Variants in SURF6 observed in about 807,000 individuals in gnomAD.
SURF6 encodes the protein surfeit locus protein 6.
SURF6 carries 28 observed loss-of-function variants against 37.5 expected under a neutral mutation model. The observed-to-expected ratio is 0.75, with a 90% CI of 0.55 to 1.02. The LOEUF (loss-of-function observed/expected upper bound fraction) is 1.02, where lower values mean the gene tolerates loss of function less well. Ranked by LOEUF, SURF6 falls within the 50% of genes least tolerant of loss-of-function variation. The probability of loss-of-function intolerance (pLI) is 0.00; values close to 1 mark genes in which losing one functional copy is unlikely to be tolerated. For missense variants in SURF6, 560 were observed against 490.5 expected (o/e 1.14, Z -1.34); for synonymous variants, 248 against 210.9 (o/e 1.18, Z -1.52).
chr9:133,336,034 G>A lies in SURF6; in HGVS notation c.94+5C>T, dbSNP rs2129933559. ...CCTTAGTCCCGGCCCGGCCCTGTGC[G>A]TTACCCCGCGTGCGCGCCTGCTGTT... On this transcript the variant is annotated splice_donor_5th_base_variant and intron_variant, in intron 1 of 4. Coordinates refer to ENST00000372022, the MANE Select transcript of SURF6 (RefSeq NM_006753.6). 1.2e-5 allele frequency: 19 copies of A among 1,609,976 alleles called. No individual in the cohort carries two copies. Among genetic ancestry groups the A allele is most frequent in the African/African-American group, 9.4e-5 (7 of 74,788 alleles).
In SURF6 at chr9:133,332,759, C is replaced by T; in HGVS notation, c.395G>A (p.Gly132Asp). The T allele has an allele frequency of 6.2e-7, 1 of 1,609,896 alleles. No homozygotes were observed. The change falls in exon 4 of 5, where the codon GGC becomes GAC. Residue 132 changes from glycine (G) to aspartate (D), a missense_variant and splice_region_variant. Coordinates refer to ENST00000372022, the MANE Select transcript of SURF6 (RefSeq NM_006753.6). ...HEKIQEARGQ[G>D]SAKELSPAAL... is the part of the protein sequence containing the mutation. ...GGCAGGGGACAGCTCCTTGGCACTG[C>T]CCTGGGGGAAAGAGGCACCCACTCA...
rs2129920972 is a variant in SURF6, at chr9:133,332,721, T to G, written c.433A>C (p.Arg145=). Residue 145 remains arginine (R), a synonymous_variant, in exon 4 of 5, where the codon AGG becomes CGG. Coordinates refer to ENST00000372022, the MANE Select transcript of SURF6 (RefSeq NM_006753.6). ...KELSPAALEK[R]RRRKQERDRK... ...TCCCGTTCCTGCTTTCTCCGCCGCC[T>G]TTTCTCCAAGGCGGCAGGGGACAGC... The G allele has an allele frequency of 1.2e-6, 2 of 1,611,576 alleles. No homozygotes were observed. The highest frequency in any genetic ancestry group is 2.2e-5 in the East Asian group (1 of 44,872).
Position 133,336,150 on chromosome 9 carries a change from T to C in SURF6, c.-18A>G. 1 of 1,603,868 alleles carries C rather than the reference T, an allele frequency of 6.2e-7. No individual in the cohort carries two copies. Among genetic ancestry groups the C allele is most frequent in the Non-Finnish European group, 8.5e-7 (1 of 1,174,984 alleles). On this transcript the variant is annotated 5_prime_UTR_variant, in exon 1 of 5. Transcript: ENST00000372022. ...GAGGCCATGGCGGAGACCCGGGCCGTTCACGACTCACACCTTCCCCGCTGC... is the reference window on the plus strand; with the variant it reads ...GAGGCCATGGCGGAGACCCGGGCCGCTCACGACTCACACCTTCCCCGCTGC...
chr9:133,335,952 T>C (rs1311426009), intron 1 of SURF6, 87 bp downstream of exon 1: 1 of 1,008,572 alleles, frequency 9.9e-7, no homozygotes, highest in African/African-American at 1.7e-5. Flanking sequence ...ATTTTTTTTC[T>C]AGTACTTTAC....
rs1014174018 is a variant in SURF6, at chr9:133,329,011, G to A, written c.*2858C>T. The A allele has an allele frequency of 6.5e-6, 1 of 154,622 alleles. No individual in the cohort carries two copies. Among genetic ancestry groups the A allele is most frequent in the African/African-American group, 2.4e-5 (1 of 41,474 alleles). 9.6% of individuals were successfully genotyped at this position (154,622 alleles called of 1,614,324 possible). ...TGTCTGGCTGCATTGTTATTTATTG[G>A]ATACAAAGCAAAAGGGGCAGGGTAA... On this transcript the variant is annotated 3_prime_UTR_variant, in exon 5 of 5. Transcript: ENST00000372022.
chr9:133,329,514 C>A lies in SURF6; in HGVS notation c.*2355G>T. 4.4e-6 allele frequency: 1 copy of A among 225,944 alleles called. No individual in the cohort carries two copies. Among genetic ancestry groups the A allele is most frequent in the Admixed American group, 5.1e-5 (1 of 19,702 alleles). The allele number at this position is 225,944 out of a possible 1,614,324, so 14.0% of individuals were successfully genotyped here. A position where few individuals can be genotyped will look rare whatever the true frequency, so the allele number is the denominator to read the frequency against. ...GCGTCTTCCCAGACGCTGGCGTCAC[C>A]GCTAGACCAAGGAGCCCTCTGGTGG... On this transcript the variant is annotated 3_prime_UTR_variant, in exon 5 of 5. Transcript: ENST00000372022.
At position 133,331,049 on chromosome 9, in the gene SURF6, A is replaced by G. The variant is rs183854780; in HGVS notation, c.*820T>C. 1 of 152,332 alleles carries G rather than the reference A, an allele frequency of 6.6e-6. No individual in the cohort carries two copies. The highest frequency in any genetic ancestry group is 6.5e-5 in the Admixed American group (1 of 15,308). 9.4% of individuals were successfully genotyped at this position (152,332 alleles called of 1,614,324 possible). Reference sequence around the variant, plus strand: ...TTTTATTTACAGCTTTATCATCCATATGCCACTAAAATTCACCTGTTTTCT... The same window carrying G: ...TTTTATTTACAGCTTTATCATCCATGTGCCACTAAAATTCACCTGTTTTCT... On this transcript the variant is annotated 3_prime_UTR_variant, in exon 5 of 5. Coordinates refer to ENST00000372022, the MANE Select transcript of SURF6 (RefSeq NM_006753.6).
At chr9:133,334,630 T>A (rs2129928633) in intron 1 of SURF6, 29 bp from the exon 2 acceptor site, 5 of 1,600,088 alleles carry the variant, frequency 3.1e-6, no homozygotes, top group Admixed American at 1.7e-5. Context: ...AAGAGTTAAG[T>A]CCCAATCTCA....
intron 1 of SURF6, among the ~76,000 whole-genome samples, 152 bp downstream of exon 1, chr9:133,335,875 CCAAAAACAAAAA>C (rs782235658): frequency 2.0e-5 from 3 of 152,026 alleles, no homozygotes; most frequent in African/African-American, 7.2e-5. Context: ...GACTCCGTCT[CCAAAAACAAAAA>C]CAAAAACAAA....
At position 133,332,342 on chromosome 9, in the gene SURF6, CCT is replaced by C; in HGVS notation, c.611_612del (p.Glu204GlyfsTer54). On this transcript the variant is annotated frameshift_variant, in exon 5 of 5. Coordinates refer to ENST00000372022, the MANE Select transcript of SURF6 (RefSeq NM_006753.6). LOFTEE classifies it high-confidence loss of function. ...TTGCTGGCCGGCTCGTCTTCGCTCA[CCT>C]CCACCTGGGAGGAAGGTATGACATC... ...EPPGLIFNKV[E>X]VSEDEPASKA... 6.3e-7 allele frequency: 1 copy of C among 1,575,762 alleles called. No individual in the cohort carries two copies. The highest frequency in any genetic ancestry group is 8.6e-7 in the Non-Finnish European group (1 of 1,163,344).
Position 133,329,453 on chromosome 9 carries a change from T to C in SURF6, c.*2416A>G. Reference sequence around the variant, plus strand: ...TAGCGGGTGTTGTTCCTTGATACTTTTTGCTACTGCTAGACCATGGTCCAC... The same window carrying C: ...TAGCGGGTGTTGTTCCTTGATACTTCTTGCTACTGCTAGACCATGGTCCAC... On this transcript the variant is annotated 3_prime_UTR_variant, in exon 5 of 5. Transcript: ENST00000372022. The C allele has an allele frequency of 3.5e-6, 1 of 287,000 alleles. No individual in the cohort carries two copies. 17.8% of individuals were successfully genotyped at this position (287,000 alleles called of 1,614,324 possible).
Position 133,331,820 on chromosome 9 carries a change from G to C in SURF6, c.*49C>G. 1.3e-6 allele frequency: 2 copies of C among 1,487,970 alleles called. No homozygotes were observed. Among genetic ancestry groups the C allele is most frequent in the East Asian group, 4.7e-5 (2 of 42,354 alleles). 92.2% of individuals were successfully genotyped at this position (1,487,970 alleles called of 1,614,324 possible). On this transcript the variant is annotated 3_prime_UTR_variant, in exon 5 of 5. Transcript: ENST00000372022. ...AGCCAGCGTCAAGGACTCAGAGGGTGTCCTGGAGTCTCCTAGGACGGAAGA... is the reference window on the plus strand; with the variant it reads ...AGCCAGCGTCAAGGACTCAGAGGGTCTCCTGGAGTCTCCTAGGACGGAAGA...
Position 133,334,543 on chromosome 9 carries a change from T to G in SURF6, c.153A>C (p.Thr51=), listed in dbSNP as rs2129928185. ...AGPPKKKRKK[T]QKKFRKREEK... is the part of the protein sequence containing the mutation. ...CTTCTCGCTTCCGGAATTTCTTTTG[T>G]GTTTTCTTCCTTTTCTTTTTTGGGG... The change falls in exon 2 of 5, where the codon ACA becomes ACC. Residue 51 remains threonine, a synonymous_variant. Coordinates refer to ENST00000372022, the MANE Select transcript of SURF6 (RefSeq NM_006753.6). 1.9e-6 allele frequency: 3 copies of G among 1,613,692 alleles called. No homozygotes were observed. In the African/African-American group the frequency reaches 4.0e-5, roughly 22 times the overall value.
chr9:133,334,337 A>C lies in SURF6; in HGVS notation c.304+55T>G, dbSNP rs587610491. On this transcript the variant is annotated intron_variant, in intron 2 of 4. Transcript: ENST00000372022. ...CTTAAGAGCAAAGGGGACCAAGCCC[A>C]AGCCCAGCCCCAGCCCCGCCCTGCA... is the stretch of plus-strand genomic sequence containing the variant. The C allele has an allele frequency of 2.4e-5, 36 of 1,518,284 alleles. 1 individual carries two copies. The South Asian group carries it at 3.6e-4, about 15-fold the overall frequency. The allele number at this position is 1,518,284 out of a possible 1,614,324, so 94.1% of individuals were successfully genotyped here. A position where few individuals can be genotyped will look rare whatever the true frequency, so the allele number is the denominator to read the frequency against.
At chr9:133,335,321 A>G (rs2129930708) in intron 1 of SURF6, among the ~76,000 whole-genome samples, 5 of 73,532 alleles carry the variant, frequency 6.8e-5, no homozygotes, top group African/African-American at 4.6e-4. Context: ...CGTTTTAATG[A>G]AAAAAAAAAA....
At chr9:133,335,548 T>A (rs1397786060) in intron 1 of SURF6, among the ~76,000 whole-genome samples, 1 of 151,984 alleles carries the variant, frequency 6.6e-6, no homozygotes, top group East Asian at 1.9e-4. Context: ...CACCCGATTA[T>A]CTACTTCCCT....
chr9:133,332,069 T>C lies in SURF6; in HGVS notation c.886A>G (p.Lys296Glu). The part of the protein sequence containing the change: ...ERLLQEALKR[K>E]EKRRAQRQRR... ...TGCCGCTGCGCCCTGCGCTTCTCCT[T>C]GCGCTTCAGGGCCTCCTGCAGCAGG... The change falls in exon 5 of 5, where the codon AAG (lysine) becomes GAG (glutamate). Residue 296 changes from lysine to glutamate, a missense_variant. Lys to Glu is a moderately conservative substitution (Grantham distance 56). Coordinates refer to ENST00000372022, the MANE Select transcript of SURF6 (RefSeq NM_006753.6). 1.2e-6 allele frequency: 2 copies of C among 1,606,896 alleles called. No homozygotes were observed.
chr9:133,332,890 A>C, intron 3 of SURF6, 130 bp from the exon 4 acceptor site: 1 of 824,276 alleles, frequency 1.2e-6, no homozygotes, highest in Non-Finnish European at 1.9e-6. Context: ...GGGCCCGCGG[A>C]GTTCAATGTT....
At chr9:133,335,709 C>CA (rs11341720) in intron 1 of SURF6, among the ~76,000 whole-genome samples, 11,743 of 132,046 alleles carry the variant, frequency 0.089, 499 homozygotes, top group Non-Finnish European at 0.1. Flanking sequence ...ACTAAAAATG[C>CA]AAAAAAAAAA....
Sources: allele counts gnomAD v4.1 joint callset (sites outside exome capture counted in the v4.1 genomes callset), GRCh38; gene constraint gnomAD v4.1.1; transcripts MANE v1.5; gene names NCBI Gene and HGNC (gene_info 2026-07-23, HGNC 2026-07-21).